Variants in TSR1 observed in about 807,000 individuals in gnomAD.
TSR1 encodes the protein pre-rRNA-processing protein TSR1 homolog.
In TSR1, 81 loss-of-function variants were observed where a neutral mutation model predicts 90.9. The observed-to-expected ratio is 0.89, with a 90% confidence interval of 0.74 to 1.07. The LOEUF (loss-of-function observed/expected upper bound fraction) is 1.07, where lower values mean the gene tolerates loss of function less well. TSR1 is among the 50% of genes least tolerant of loss of function. The probability of loss-of-function intolerance (pLI) is 0.00; values close to 1 mark genes in which losing one functional copy is unlikely to be tolerated. For missense variants in TSR1, 989 were observed against 987.3 expected (o/e 1.00, Z -0.02); for synonymous variants, 362 against 348.8 (o/e 1.04, Z -0.42).
rs1346412798 is a variant in TSR1 at position 2,331,007 on chromosome 17, A to T, written c.1599T>A (p.Phe533Leu). The T allele has an allele frequency of 6.2e-7, 1 of 1,611,218 alleles. No individual in the cohort carries two copies. Among genetic ancestry groups the T allele is most frequent in the East Asian group, 2.2e-5 (1 of 44,830 alleles). The change falls in exon 9 of 15, where the codon TTT (phenylalanine) becomes TTA (leucine). Residue 533 changes from phenylalanine (F) to leucine (L), a missense_variant. Transcript: ENST00000301364. ...DYARIFQFQN[F>L]TNTRKSIFKE... ...TAAAGATGCTTTTCCTAGTGTTAGT[A>T]AAGTTCTGAAACTGAAATATTCGAG... is the stretch of plus-strand genomic sequence containing the variant.
Position 2,322,744 on chromosome 17 carries a change from C to T in TSR1, c.*1452G>A, listed in dbSNP as rs1402902056. 1.4e-5 allele frequency: 3 copies of T among 213,014 alleles called. No homozygotes were observed. The highest frequency in any genetic ancestry group is 7.0e-5 in the African/African-American group (3 of 43,078). The allele number at this position is 213,014 out of a possible 1,614,324, so 13.2% of individuals were successfully genotyped here. A position where few individuals can be genotyped will look rare whatever the true frequency, so the allele number is the denominator to read the frequency against. Reference sequence around the variant, plus strand: ...TGTTAGCCAGGATGGTCTTGATCTCCCTACCTCGTGATCCGCCCACCTCGG... The same window carrying T: ...TGTTAGCCAGGATGGTCTTGATCTCTCTACCTCGTGATCCGCCCACCTCGG... On this transcript the variant is annotated 3_prime_UTR_variant, in exon 15 of 15. Coordinates refer to ENST00000301364, the MANE Select transcript of TSR1 (RefSeq NM_018128.5).
chr17:2,331,064 C>T lies in TSR1; in HGVS notation c.1542G>A (p.Trp514Ter), dbSNP rs1320496572. ...CTTGAGGAAGGTTTTCCTTAGGATC[C>T]CATGGAGATGTCCGGAAGCTCTTAA... is the stretch of plus-strand genomic sequence containing the variant. The part of the protein sequence containing the change: ...RGLKSFRTSP[W>*]DPKENLPQDY... Residue 514 changes from tryptophan to a stop codon, truncating the protein, a stop_gained, in exon 9 of 15, where the codon TGG becomes TGA. Coordinates refer to ENST00000301364, the MANE Select transcript of TSR1 (RefSeq NM_018128.5). LOFTEE classifies it high-confidence loss of function. 3.2e-5 allele frequency: 51 copies of T among 1,607,084 alleles called. No homozygotes were observed. The highest frequency in any genetic ancestry group is 4.2e-5 in the Non-Finnish European group (50 of 1,178,276).
chr17:2,332,203 C>G lies in TSR1; in HGVS notation c.1462G>C (p.Val488Leu). The G allele has an allele frequency of 6.2e-7, 1 of 1,613,750 alleles. No homozygotes were observed. Residue 488 changes from valine to leucine, a missense_variant, in exon 8 of 15, where the codon GTG becomes CTG. Transcript: ENST00000301364. ...GCAGCCACATCACGGGGCGTGTCCA[C>G]TTCATCTGGAAACATCTCTTCCAGT... ...ERLEEMFPDE[V>L]DTPRDVAARI...
In TSR1 at chr17:2,322,991, C is replaced by T; in HGVS notation, c.*1205G>A. 1 of 746,774 alleles carries T rather than the reference C, an allele frequency of 1.3e-6. No homozygotes were observed. The highest frequency in any genetic ancestry group is 2.6e-5 in the Admixed American group (1 of 38,682). The allele number at this position is 746,774 out of a possible 1,614,324, so 46.3% of individuals were successfully genotyped here. A position where few individuals can be genotyped will look rare whatever the true frequency, so the allele number is the denominator to read the frequency against. ...GGTTGGCCAGGCTGGTCTTGAACTC[C>T]TGACCTCAGCTGATCCACCCGCCTC... On this transcript the variant is annotated 3_prime_UTR_variant, in exon 15 of 15. Coordinates refer to ENST00000301364, the MANE Select transcript of TSR1 (RefSeq NM_018128.5).
chr17:2,323,403 A>G lies in TSR1; in HGVS notation c.*793T>C. 1 of 1,599,702 alleles carries G rather than the reference A, an allele frequency of 6.3e-7. No individual in the cohort carries two copies. Among genetic ancestry groups the G allele is most frequent in the Non-Finnish European group, 8.6e-7 (1 of 1,168,344 alleles). On this transcript the variant is annotated 3_prime_UTR_variant, in exon 15 of 15. Coordinates refer to ENST00000301364, the MANE Select transcript of TSR1 (RefSeq NM_018128.5). ...CATGGTGTAACTTCTTAGGCAGAAGAAACTTCCCTTAGGAGTAGCAAGTGA... is the reference window on the plus strand; with the variant it reads ...CATGGTGTAACTTCTTAGGCAGAAGGAACTTCCCTTAGGAGTAGCAAGTGA...
intron 2 of TSR1, 128 bp from the exon 3 acceptor site, chr17:2,335,858 G>T: frequency 7.8e-7 from 1 of 1,285,736 alleles, no homozygotes; most frequent in Non-Finnish European, 1.1e-6. Flanking sequence ...CCACAGGTAT[G>T]CCAGCGGGGT....
chr17:2,329,398 A>G lies in TSR1; in HGVS notation c.1848T>C (p.Phe616=), dbSNP rs766029381. 1 of 1,614,090 alleles carries G rather than the reference A, an allele frequency of 6.2e-7. No homozygotes were observed. Among genetic ancestry groups the G allele is most frequent in the African/African-American group, 1.3e-5 (1 of 74,920 alleles). ...CTCGGAAGCGCCTGAATCCACAGTG[A>G]AATATGAGCTCTTCCTTGGCTTTCA... ...EPVKAKEELI[F]HCGFRRFRAS... The change falls in exon 11 of 15, where the codon TTT becomes TTC. Residue 616 remains phenylalanine (F), a synonymous_variant. Coordinates refer to ENST00000301364, the MANE Select transcript of TSR1 (RefSeq NM_018128.5).
Position 2,333,627 on chromosome 17 carries a change from T to C in TSR1, c.1071A>G (p.Ala357=). The C allele has an allele frequency of 6.2e-7, 1 of 1,614,172 alleles. No homozygotes were observed. Among genetic ancestry groups the C allele is most frequent in the Non-Finnish European group, 8.5e-7 (1 of 1,180,038 alleles). The change falls in exon 6 of 15, where the codon GCA becomes GCG. Residue 357 remains alanine, a synonymous_variant. Coordinates refer to ENST00000301364, the MANE Select transcript of TSR1 (RefSeq NM_018128.5). ...ADPGRQESLQ[A]EVIPDPMEGE... ...CCTCCATTGGATCTGGGATAACCTC[T>C]GCTTGCAAGGATTCCTGTCTACCAG...
intron 9 of TSR1, 99 bp downstream of exon 9, chr17:2,330,847 TC>T: frequency 7.3e-7 from 1 of 1,375,686 alleles, no homozygotes. Context: ...GCTCCCCTAA[TC>T]CCCAAATGCA....
At chr17:2,325,035 T>A in intron 12 of TSR1, 1 of 620,552 alleles carries the variant, frequency 1.6e-6, no homozygotes, top group South Asian at 2.3e-5. Flanking sequence ...AAATGATGTA[T>A]AACAAAACCA....
At chr17:2,328,097 G>C (rs975839882) in intron 11 of TSR1, among the ~76,000 whole-genome samples, 2 of 151,858 alleles carry the variant, frequency 1.3e-5, no homozygotes, top group African/African-American at 4.8e-5. Context: ...ACAAAAATTA[G>C]CTAGGCGTGG....
intron 9 of TSR1, 121 bp from the exon 10 acceptor site, chr17:2,330,746 C>A: frequency 8.8e-7 from 1 of 1,138,350 alleles, no homozygotes. Flanking sequence ...CCTCATCCTT[C>A]AAGATGCTTC....
rs1386740596 is a variant in TSR1, at chr17:2,323,205, C to G, written c.*991G>C. Reference sequence around the variant, plus strand: ...TGCAGATGACTGCTACCAGTCCAAGCTGAAGGGGAAACTGATGCCCAATCT... The same window carrying G: ...TGCAGATGACTGCTACCAGTCCAAGGTGAAGGGGAAACTGATGCCCAATCT... On this transcript the variant is annotated 3_prime_UTR_variant, in exon 15 of 15. Transcript: ENST00000301364. 3 of 1,614,084 alleles carry G rather than the reference C, an allele frequency of 1.9e-6. No homozygotes were observed. The highest frequency in any genetic ancestry group is 4.5e-5 in the East Asian group (2 of 44,896).
chr17:2,333,826 G>C, intron 5 of TSR1, 110 bp from the exon 6 acceptor site: 2 of 1,339,044 alleles, frequency 1.5e-6, no homozygotes, highest in Admixed American at 2.3e-5. Context: ...AGATGAGTGC[G>C]ACAGAATGCT....
At chr17:2,333,759 TCTC>T (rs2064024681) in intron 5 of TSR1, 43 bp from the exon 6 acceptor site, 1 of 1,610,864 alleles carries the variant, frequency 6.2e-7, no homozygotes, top group African/African-American at 1.3e-5. Context: ...GAACCAAAAA[TCTC>T]CTAAATCTAA....
intron 5 of TSR1, among the ~76,000 whole-genome samples, chr17:2,333,961 C>A (rs2064026131): frequency 6.6e-6 from 1 of 152,104 alleles, no homozygotes; most frequent in African/African-American, 2.4e-5. Flanking sequence ...TACCTCACTC[C>A]CATCAAGCTG....
In TSR1 at chr17:2,323,603, A is replaced by T. The variant is rs1362661350; in HGVS notation, c.*593T>A. The T allele has an allele frequency of 6.3e-7, 1 of 1,582,312 alleles. No homozygotes were observed. The highest frequency in any genetic ancestry group is 1.3e-5 in the African/African-American group (1 of 74,326). The stretch of plus-strand genomic sequence containing the variant: ...GTATTCTCATCTGAACTTTATAGGT[A>T]AACCAACTAGACTCCCCTTTCACTA... On this transcript the variant is annotated 3_prime_UTR_variant, in exon 15 of 15. Transcript: ENST00000301364.
At chr17:2,330,479 C>T in intron 10 of TSR1, 36 bp downstream of exon 10, 1 of 1,591,622 alleles carries the variant, frequency 6.3e-7, no homozygotes, top group Non-Finnish European at 8.6e-7. Flanking sequence ...TGGAAAGTTT[C>T]ACAACCCCCC....
At chr17:2,332,101 A>G in intron 8 of TSR1, 68 bp downstream of exon 8, 3 of 1,559,046 alleles carry the variant, frequency 1.9e-6, no homozygotes, top group Admixed American at 2.1e-5. Context: ...ACAGTGACAC[A>G]GCTCTGAGCC....
Sources: gnomAD v4.1 joint callset for allele counts (sites outside exome capture counted in the v4.1 genomes callset) on GRCh38, gnomAD v4.1.1 for gene constraint, MANE v1.5 for transcripts, NCBI Gene and HGNC (gene_info 2026-07-23, HGNC 2026-07-21) for gene names.